Variants in NMNAT1 observed in about 807,000 individuals in gnomAD.
The protein encoded by NMNAT1 is nicotinamide/nicotinic acid mononucleotide adenylyltransferase 1.
NMNAT1 carries 11 observed loss-of-function variants against 16.7 expected under a neutral mutation model. The observed-to-expected ratio is 0.66, with a 90% CI of 0.41 to 1.09. The LOEUF (loss-of-function observed/expected upper bound fraction) is 1.09, where lower values mean the gene tolerates loss of function less well. NMNAT1 is among the 50% of genes least tolerant of loss of function. The pLI, the probability that NMNAT1 is intolerant of heterozygous loss-of-function variation, is 0.00. For missense variants in NMNAT1, 280 were observed against 332.3 expected (o/e 0.84, Z 1.22); for synonymous variants, 110 against 119.8 (o/e 0.92, Z 0.53).
intron 1 of NMNAT1, among the ~76,000 whole-genome samples, chr1:9,958,809 A>C (rs1054497540): frequency 6.6e-6 from 1 of 152,306 alleles, no homozygotes; most frequent in African/African-American, 2.4e-5. Context: ...AATGTAAAAC[A>C]ACCTGCAAGT....
chr1:9,946,522 ATGAAACT>A (rs1315821562), intron 1 of NMNAT1, among the ~76,000 whole-genome samples: 1 of 152,226 alleles, frequency 6.6e-6, no homozygotes, highest in Non-Finnish European at 1.5e-5. Flanking sequence ...GCTGGGACAG[ATGAAACT>A]TGAGTGGCTA....
chr1:9,955,403 CAAAAA>C (rs71583829), intron 1 of NMNAT1, among the ~76,000 whole-genome samples: 8 of 90,812 alleles, frequency 8.8e-5, no homozygotes, highest in Non-Finnish European at 1.6e-4. Flanking sequence ...GACTTTGTCT[CAAAAA>C]AAAAAAAAAA....
intron 1 of NMNAT1, among the ~76,000 whole-genome samples, chr1:9,965,545 A>T (rs1226191772): frequency 6.6e-6 from 1 of 151,540 alleles, no homozygotes; most frequent in Non-Finnish European, 1.5e-5. Flanking sequence ...CTGGGATTAC[A>T]TGTGTGCGCC....
intron 3 of NMNAT1, among the ~76,000 whole-genome samples, chr1:9,977,650 T>C (rs534392511): frequency 6.6e-6 from 1 of 152,022 alleles, no homozygotes; most frequent in African/African-American, 2.4e-5. Context: ...GCAGATCACC[T>C]GAGTCCAGTA....
chr1:9,989,331 G>A (rs934328661), downstream of NMNAT1, among the ~76,000 whole-genome samples: 3 of 151,978 alleles, frequency 2.0e-5, no homozygotes, highest in Non-Finnish European at 4.4e-5. Flanking sequence ...GGTGGCGGGC[G>A]CCTGTAATCC....
chr1:9,943,019 G>A (rs374679687), upstream of NMNAT1: 12 of 325,336 alleles, frequency 3.7e-5, no homozygotes, highest in African/African-American at 2.6e-4. Flanking sequence ...CCAGAGGCTT[G>A]GAAAAGGTAA....
chr1:9,947,626 G>A (rs1557454056), intron 1 of NMNAT1: 3 of 152,194 alleles, frequency 2.0e-5, no homozygotes, highest in Admixed American at 1.3e-4. Flanking sequence ...TCAATTAAAG[G>A]TAATACTGTT....
chr1:9,981,418 G>A (rs1570715838), intron 4 of NMNAT1: 2 of 394,886 alleles, frequency 5.1e-6, no homozygotes, highest in East Asian at 6.4e-5. Flanking sequence ...TGTATTTTTA[G>A]TAGAGACGGG....
downstream of NMNAT1, among the ~76,000 whole-genome samples, chr1:9,986,308 T>C (rs1642044430): frequency 6.6e-6 from 1 of 152,274 alleles, no homozygotes; most frequent in African/African-American, 2.4e-5. Flanking sequence ...AATCTTCATC[T>C]ACACCTGTTT....
intron 1 of NMNAT1, among the ~76,000 whole-genome samples, chr1:9,962,326 C>CA (rs1641433208): frequency 6.6e-6 from 1 of 151,348 alleles, no homozygotes; most frequent in African/African-American, 2.4e-5. Flanking sequence ...ACTAAAAATA[C>CA]AAAAAATTAG....
intron 1 of NMNAT1, among the ~76,000 whole-genome samples, chr1:9,952,686 C>T (rs1557457207): frequency 1.3e-5 from 2 of 151,938 alleles, no homozygotes; most frequent in Non-Finnish European, 2.9e-5. Context: ...TATAGGTGTG[C>T]ACCACCACTT....
intron 3 of NMNAT1, among the ~76,000 whole-genome samples, chr1:9,979,767 A>T (rs1350767325): frequency 6.7e-6 from 1 of 148,886 alleles, no homozygotes; most frequent in Non-Finnish European, 1.5e-5. Context: ...GTGCCACTGC[A>T]CTCCAGCCTG....
intron 3 of NMNAT1, among the ~76,000 whole-genome samples, chr1:9,977,440 G>C (rs1641839841): frequency 6.6e-6 from 1 of 152,000 alleles, no homozygotes; most frequent in African/African-American, 2.4e-5. Flanking sequence ...AAGCCTTTCT[G>C]TTTAGTATCT....
chr1:9,943,834 G>A (rs1338481172), intron 1 of NMNAT1, among the ~76,000 whole-genome samples: 4 of 152,154 alleles, frequency 2.6e-5, no homozygotes, highest in Non-Finnish European at 4.4e-5. Context: ...CCTTCATTCC[G>A]AACGACTTCC....
chr1:9,955,016 G>C (rs1183146569), intron 1 of NMNAT1, among the ~76,000 whole-genome samples: 1 of 152,184 alleles, frequency 6.6e-6, no homozygotes, highest in Non-Finnish European at 1.5e-5. Context: ...CAGGCACGCT[G>C]GCTCACGCCT....
chr1:9,996,171 CG>C, the NMNAT1 span, among the ~76,000 whole-genome samples: 1 of 151,370 alleles, frequency 6.6e-6, no homozygotes, highest in East Asian at 1.9e-4. Flanking sequence ...GTTAGCCGGG[CG>C]TGTTGGCGGG....
intron 1 of NMNAT1, among the ~76,000 whole-genome samples, chr1:9,955,528 T>C (rs942004514): frequency 5.3e-5 from 8 of 151,628 alleles, no homozygotes; most frequent in Non-Finnish European, 1.2e-4. Context: ...TCACTTGAAC[T>C]TGGGAGGCAG....
At chr1:9,956,649 C>T (rs1331470044) in intron 1 of NMNAT1, among the ~76,000 whole-genome samples, 1 of 151,720 alleles carries the variant, frequency 6.6e-6, no homozygotes, top group Non-Finnish European at 1.5e-5. Context: ...TCTCGAACTC[C>T]TGACCTCAGG....
chr1:9,954,120 A>G (rs1641190561), intron 1 of NMNAT1, among the ~76,000 whole-genome samples: 1 of 151,880 alleles, frequency 6.6e-6, no homozygotes, highest in African/African-American at 2.4e-5. Context: ...CATCACTCTT[A>G]AAAGCACATT....
Sources: gnomAD v4.1 joint callset for allele counts (sites outside exome capture counted in the v4.1 genomes callset) on GRCh38, gnomAD v4.1.1 for gene constraint, MANE v1.5 for transcripts, NCBI Gene and HGNC (gene_info 2026-07-23, HGNC 2026-07-21) for gene names.